The following ATP8B1 variants were observed in gnomAD, a reference collection of about 807,000 sequenced individuals.
The protein encoded by ATP8B1 is ATPase phospholipid transporting 8B1, also known as phospholipid-transporting ATPase IC.
Under a neutral mutation model 149.9 loss-of-function variants are expected in ATP8B1, and 80 were observed. That is an observed-to-expected ratio of 0.53 (90% CI 0.45 to 0.64). ATP8B1 has a LOEUF of 0.64. Ranked by LOEUF, ATP8B1 falls within the 30% of genes least tolerant of loss-of-function variation. ATP8B1 has a pLI of 0.00. For synonymous variants in ATP8B1, 536 were observed against 562.8 expected, an observed-to-expected ratio of 0.95 and a Z score of 0.67; for missense variants, 1,247 against 1,552.6, an observed-to-expected ratio of 0.80 and a Z score of 3.31.
intron 6 of ATP8B1, among the ~76,000 whole-genome samples, chr18:57,698,808 T>A (rs1210079785): frequency 6.6e-6 from 1 of 152,230 alleles, no homozygotes; most frequent in Non-Finnish European, 1.5e-5. Flanking sequence ...TTTTCAGGGC[T>A]TTGCTCACGT....
intron 1 of ATP8B1, among the ~76,000 whole-genome samples, chr18:57,756,934 A>G (rs749436428): frequency 2.0e-4 from 30 of 152,142 alleles, no homozygotes; most frequent in Non-Finnish European, 4.3e-4. Flanking sequence ...CTTTTAAGAC[A>G]TCGCAAATGT....
chr18:57,670,343 CT>C (rs1911149210), intron 17 of ATP8B1, among the ~76,000 whole-genome samples: 1 of 145,572 alleles, frequency 6.9e-6, no homozygotes, highest in Non-Finnish European at 1.5e-5. Context: ...CTTTTTTTTT[CT>C]TTTTCTTTTT....
At chr18:57,704,702 G>A in intron 3 of ATP8B1, 34 bp from the exon 4 acceptor site, 2 of 1,365,714 alleles carry the variant, frequency 1.5e-6, no homozygotes, top group Non-Finnish European at 2.1e-6. Context: ...TCTAAATGAT[G>A]CTGTATTTAT....
chr18:57,732,086 T>C (rs1014395438), intron 1 of ATP8B1: 1 of 315,752 alleles, frequency 3.2e-6, no homozygotes, highest in African/African-American at 2.3e-5. Context: ...GGTATATATA[T>C]ATATGTATGT....
At chr18:57,657,588 T>C (rs1910090820) in intron 22 of ATP8B1, among the ~76,000 whole-genome samples, 1 of 152,190 alleles carries the variant, frequency 6.6e-6, no homozygotes, top group African/African-American at 2.4e-5. Context: ...CAGTAACACT[T>C]CTAAAAAAAC....
At chr18:57,787,907 A>G (rs8092481) in intron 1 of ATP8B1, among the ~76,000 whole-genome samples, 2,165 of 152,206 alleles carry the variant, frequency 0.014, 43 homozygotes, top group African/African-American at 0.048. Context: ...ATAAAAGTGA[A>G]TATTAGTCCC....
chr18:57,791,571 C>T (rs1299667833), intron 1 of ATP8B1, among the ~76,000 whole-genome samples: 4 of 151,756 alleles, frequency 2.6e-5, no homozygotes, highest in South Asian at 2.1e-4. Flanking sequence ...CTTGAACTTC[C>T]GGCCTCAAGT....
intron 20 of ATP8B1, among the ~76,000 whole-genome samples, chr18:57,663,851 C>G (rs1910678180): frequency 6.7e-6 from 1 of 148,732 alleles, no homozygotes; most frequent in Non-Finnish European, 1.5e-5. Flanking sequence ...ACTGCAACAT[C>G]CACCTCCTAG....
At chr18:57,778,170 C>A (rs1405011531) in intron 1 of ATP8B1, among the ~76,000 whole-genome samples, 1 of 152,044 alleles carries the variant, frequency 6.6e-6, no homozygotes, top group Non-Finnish European at 1.5e-5. Flanking sequence ...AACAAAATAC[C>A]CCCAAATTTA....
intron 1 of ATP8B1, among the ~76,000 whole-genome samples, chr18:57,776,961 T>C (rs974455313): frequency 1.3e-5 from 2 of 151,712 alleles, no homozygotes; most frequent in Non-Finnish European, 2.9e-5. Flanking sequence ...GTTATCTTCC[T>C]TTCCAACTGT....
chr18:57,674,599 G>T (rs1911479349), intron 16 of ATP8B1, among the ~76,000 whole-genome samples: 1 of 151,876 alleles, frequency 6.6e-6, no homozygotes, highest in East Asian at 1.9e-4. Context: ...TGTTAGCCAG[G>T]ATGGTCTCGA....
At chr18:57,653,040 GA>G (rs1909732604) in intron 24 of ATP8B1, among the ~76,000 whole-genome samples, 1 of 152,152 alleles carries the variant, frequency 6.6e-6, no homozygotes, top group Admixed American at 6.5e-5. Flanking sequence ...TTTACCTCCT[GA>G]GTGAATATAT....
intron 1 of ATP8B1, among the ~76,000 whole-genome samples, chr18:57,757,434 G>A (rs906216579): frequency 2.0e-5 from 3 of 152,186 alleles, no homozygotes; most frequent in Admixed American, 6.5e-5. Context: ...CACTTGATGT[G>A]CTTGTTACTA....
At chr18:57,707,923 G>A (rs1258278177) in intron 2 of ATP8B1, among the ~76,000 whole-genome samples, 3 of 151,476 alleles carry the variant, frequency 2.0e-5, no homozygotes, top group Admixed American at 6.6e-5. Context: ...TTGGGAGGCC[G>A]AGGTGGATGG....
rs182452322 is a variant in ATP8B1, at chr18:57,736,053, T to G, written c.-25-4221A>C. Among the ~76,000 whole-genome samples, 712 of 151,258 alleles carry G rather than the reference T, an allele frequency of 4.7e-3. 27 individuals carry two copies. The East Asian group carries it at 0.11, about 23-fold the overall frequency. ...GTGTTCTCATTGTTCAGCTCCTGCT[T>G]ATGAGTGAGAACATGTGGTGTTTAG... On this transcript the variant is annotated intron_variant, in intron 1 of 27. Coordinates refer to ENST00000648908, the MANE Select transcript of ATP8B1 (RefSeq NM_001374385.1).
Position 57,695,003 on chromosome 18 carries a change from C to T in ATP8B1, c.940+168G>A, listed in dbSNP as rs142155107. 5.5e-3 allele frequency among the ~76,000 whole-genome samples: 722 copies of T among 130,912 alleles called. 10 individuals carry two copies. Among genetic ancestry groups the T allele is most frequent in the African/African-American group, 0.02 (656 of 33,022 alleles). 85.9% of individuals were successfully genotyped at this position (130,912 alleles called of 152,430 possible). ...TGAGATTATGCCACTGCACTCCAGC[C>T]TGGGCTACAGAGTGAGACTCTGTCT... On this transcript the variant is annotated intron_variant, in intron 10 of 27. Transcript: ENST00000648908.
In ATP8B1 at chr18:57,704,705, G is replaced by A. The variant is rs372718195; in HGVS notation, c.280-37C>T. On this transcript the variant is annotated intron_variant, in intron 3 of 27. Transcript: ENST00000648908. ...AATAAGAGTCATTCTAAATGATGCT[G>A]TATTTATCACAATGTATACACATCT... The A allele has an allele frequency of 9.0e-6, 12 of 1,327,788 alleles. 1 individual carries two copies. The highest frequency in any genetic ancestry group is 2.1e-4 in the Middle Eastern group (1 of 4,818). 82.3% of individuals were successfully genotyped at this position (1,327,788 alleles called of 1,614,324 possible).
At chr18:57,789,004 G>C (rs929103099) in intron 1 of ATP8B1, among the ~76,000 whole-genome samples, 22 of 152,084 alleles carry the variant, frequency 1.4e-4, no homozygotes, top group African/African-American at 5.3e-4. Context: ...GTTTCTATAA[G>C]GAGCTTGAAT....
chr18:57,744,922 G>C (rs1412397423), intron 1 of ATP8B1, among the ~76,000 whole-genome samples: 1 of 152,142 alleles, frequency 6.6e-6, no homozygotes, highest in African/African-American at 2.4e-5. Flanking sequence ...ACTAGGAATG[G>C]CTTATTTGAA....
Sources: allele counts gnomAD v4.1 joint callset (sites outside exome capture counted in the v4.1 genomes callset), GRCh38; gene constraint gnomAD v4.1.1; transcripts MANE v1.5; gene names NCBI Gene and HGNC (gene_info 2026-07-23, HGNC 2026-07-21).